The following CCNY variants were observed in gnomAD, a reference collection of about 807,000 sequenced individuals.
CCNY encodes cyclin-Y.
Under a neutral mutation model 42.8 loss-of-function variants are expected in CCNY, and 19 were observed. The ratio of observed to expected loss-of-function variants is 0.44; its 90% CI spans 0.31 to 0.65. The LOEUF (loss-of-function observed/expected upper bound fraction) is 0.65, where lower values mean the gene tolerates loss of function less well. Among genes scored for constraint, CCNY ranks in the 30% least tolerant of loss-of-function variants. The probability of loss-of-function intolerance (pLI) is 0.07; values close to 1 mark genes in which losing one functional copy is unlikely to be tolerated. For missense variants in CCNY, 370 were observed against 437.3 expected (o/e 0.85, Z 1.37); for synonymous variants, 165 against 162.7 (o/e 1.01, Z -0.11).
chr10:35,425,756 T>G (rs182723675), intron 1 of CCNY, among the ~76,000 whole-genome samples: 1 of 152,228 alleles, frequency 6.6e-6, no homozygotes, highest in African/African-American at 2.4e-5. Context: ...TGGAGGACTT[T>G]CTGCTTTCTA....
In CCNY at chr10:35,336,704, G is replaced by T. The variant is rs1042313866; in HGVS notation, c.-350G>T. ...GCGGACACCAACTGGGGAAGCGCGG[G>T]GGGGAGGCGGCCTGCGCGGCGCCGC... On this transcript the variant is annotated 5_prime_UTR_variant, in exon 1 of 10. Coordinates refer to ENST00000374704, the MANE Select transcript of CCNY (RefSeq NM_145012.6). 3.4e-5 allele frequency among the ~76,000 whole-genome samples: 5 copies of T among 147,370 alleles called. No homozygotes were observed. Among genetic ancestry groups the T allele is most frequent in the African/African-American group, 7.3e-5 (3 of 40,942 alleles).
chr10:35,412,540 A>G (rs181139531), intron 1 of CCNY, among the ~76,000 whole-genome samples: 16 of 152,072 alleles, frequency 1.1e-4, no homozygotes, highest in Non-Finnish European at 2.2e-4. Flanking sequence ...CATCCAGCCT[A>G]GCTGTTGAGG....
At chr10:35,560,205 G>A (rs957630026) in intron 8 of CCNY, among the ~76,000 whole-genome samples, 2 of 152,158 alleles carry the variant, frequency 1.3e-5, no homozygotes, top group African/African-American at 4.8e-5. Flanking sequence ...GGACTTTGGG[G>A]CTGTTAGGAT....
intron 1 of CCNY, among the ~76,000 whole-genome samples, chr10:35,364,277 C>T (rs1172890099): frequency 2.0e-5 from 3 of 152,032 alleles, no homozygotes; most frequent in Non-Finnish European, 4.4e-5. Context: ...AAGGAGCAAG[C>T]AGGAGTGGAA....
At chr10:35,456,382 A>G (rs961265455) in intron 1 of CCNY, among the ~76,000 whole-genome samples, 5 of 152,226 alleles carry the variant, frequency 3.3e-5, no homozygotes, top group African/African-American at 1.2e-4. Flanking sequence ...ATTCAGCTGT[A>G]TAAGTGAAAT....
intron 1 of CCNY, among the ~76,000 whole-genome samples, chr10:35,457,699 G>A (rs1839067478): frequency 6.6e-6 from 1 of 151,810 alleles, no homozygotes; most frequent in Non-Finnish European, 1.5e-5. Flanking sequence ...TCCTGCCTCA[G>A]CTCCCCGAGT....
chr10:35,386,120 G>C (rs1458806791), intron 1 of CCNY, among the ~76,000 whole-genome samples: 4 of 152,168 alleles, frequency 2.6e-5, no homozygotes, highest in Non-Finnish European at 5.9e-5. Context: ...TTTGTGTCAC[G>C]TTCCTATAGA....
At chr10:35,319,691 T>G (rs1031812117) in intron 3 of CCNY, among the ~76,000 whole-genome samples, 1 of 152,030 alleles carries the variant, frequency 6.6e-6, no homozygotes, top group Admixed American at 6.6e-5. Flanking sequence ...CAGGCCAACA[T>G]AGTGAAACCC....
At chr10:35,373,399 A>T (rs1046053319) in intron 1 of CCNY, among the ~76,000 whole-genome samples, 3 of 152,152 alleles carry the variant, frequency 2.0e-5, no homozygotes, top group African/African-American at 7.2e-5. Flanking sequence ...GAGCACCTGG[A>T]TGGATGGTGA....
intron 1 of CCNY, among the ~76,000 whole-genome samples, chr10:35,402,950 G>A (rs1439816219): frequency 1.3e-5 from 2 of 152,320 alleles, no homozygotes; most frequent in Admixed American, 6.5e-5. Context: ...TGACAGAAGG[G>A]AAGAAATGAC....
At chr10:35,568,962 T>G in intron 9 of CCNY, 92 bp from the exon 10 acceptor site, 5 of 794,832 alleles carry the variant, frequency 6.3e-6, no homozygotes, top group Non-Finnish European at 1.1e-5. Flanking sequence ...GCTCTGCCTG[T>G]CCCTCATGCA....
chr10:35,249,867 T>C (rs983596534), intron 2 of CCNY, among the ~76,000 whole-genome samples: 1 of 152,044 alleles, frequency 6.6e-6, no homozygotes, highest in African/African-American at 2.4e-5. Flanking sequence ...CTGGCCAACA[T>C]GGTGAAACCC....
intron 3 of CCNY, among the ~76,000 whole-genome samples, chr10:35,263,739 A>T (rs1398664261): frequency 6.6e-6 from 1 of 152,164 alleles, no homozygotes; most frequent in Non-Finnish European, 1.5e-5. Flanking sequence ...GATTTGTTAC[A>T]TAGGTAAACA....
At chr10:35,485,355 A>C in intron 2 of CCNY, among the ~76,000 whole-genome samples, 1 of 152,244 alleles carries the variant, frequency 6.6e-6, no homozygotes, top group Non-Finnish European at 1.5e-5. Flanking sequence ...CTGTTTTCAG[A>C]TGGGCAGTTT....
intron 3 of CCNY, among the ~76,000 whole-genome samples, chr10:35,257,615 T>C (rs1475552310): frequency 6.6e-6 from 1 of 152,210 alleles, no homozygotes; most frequent in Non-Finnish European, 1.5e-5. Flanking sequence ...GCTGACAGTC[T>C]TATTGAGAGA....
chr10:35,544,222 C>A (rs754968193), intron 7 of CCNY, among the ~76,000 whole-genome samples: 1 of 152,208 alleles, frequency 6.6e-6, no homozygotes, highest in South Asian at 2.1e-4. Context: ...TTATCCAGAA[C>A]AACTTCCAGT....
chr10:35,508,917 C>T (rs1840266828), intron 3 of CCNY, among the ~76,000 whole-genome samples: 2 of 152,132 alleles, frequency 1.3e-5, no homozygotes. Context: ...CCTACTCCTT[C>T]CCCTCCCCCA....
At chr10:35,438,696 A>G (rs576338351) in intron 1 of CCNY, among the ~76,000 whole-genome samples, 37 of 152,346 alleles carry the variant, frequency 2.4e-4, no homozygotes, top group African/African-American at 8.2e-4. Flanking sequence ...TGTCAAATGT[A>G]ATTTGGAAAA....
At chr10:35,448,791 C>T (rs1253079282) in intron 1 of CCNY, among the ~76,000 whole-genome samples, 3 of 152,018 alleles carry the variant, frequency 2.0e-5, no homozygotes, top group Non-Finnish European at 4.4e-5. Flanking sequence ...ACTTTGCACT[C>T]TAGAATGGGG....
Sources: allele counts gnomAD v4.1 joint callset (sites outside exome capture counted in the v4.1 genomes callset), GRCh38; gene constraint gnomAD v4.1.1; transcripts MANE v1.5; gene names NCBI Gene and HGNC (gene_info 2026-07-23, HGNC 2026-07-21).